Variants in EVC observed in about 807,000 individuals in gnomAD.
EVC encodes the protein EvC ciliary complex subunit 1, also known as evC complex member EVC.
In EVC, 116 loss-of-function variants were observed where a neutral mutation model predicts 118.9. The observed-to-expected ratio is 0.98, with a 90% CI of 0.84 to 1.14. The LOEUF (loss-of-function observed/expected upper bound fraction) is 1.14. Ranked by LOEUF, EVC falls within the 50% of genes most tolerant of loss-of-function variation. The pLI is 0.00. For synonymous variants in EVC, 619 were observed against 534.7 expected (o/e 1.16, Z -2.18); for missense variants, 1,401 against 1,246.4 (o/e 1.12, Z -1.87).
intron 15 of EVC, among the ~76,000 whole-genome samples, chr4:5,799,687 C>T (rs757387419): frequency 6.6e-6 from 1 of 152,174 alleles, no homozygotes; most frequent in African/African-American, 2.4e-5. Context: ...GCCCTGGCAT[C>T]GGGAAGTGCA....
chr4:5,818,619 A>G (rs1039931535), downstream of EVC, among the ~76,000 whole-genome samples: 2 of 152,112 alleles, frequency 1.3e-5, no homozygotes, highest in African/African-American at 4.8e-5. Context: ...TGGGAGCGGG[A>G]CCAGCAGCTT....
intron 11 of EVC, among the ~76,000 whole-genome samples, chr4:5,758,602 T>A (rs556510700): frequency 3.2e-4 from 49 of 152,166 alleles, no homozygotes; most frequent in Non-Finnish European, 5.6e-4. Context: ...TGGCTGGGCA[T>A]GGGGAAACCA....
chr4:5,821,718 A>T, the EVC span: 1 of 1,538,872 alleles, frequency 6.5e-7, no homozygotes, highest in South Asian at 1.2e-5. This position sits in a 1 kb window ranked among gnomAD's most constrained non-coding sequence, Gnocchi z 4.4. Context: ...GATGGACATG[A>T]TTCCCAGAAT....
chr4:5,785,621 C>G (rs1054335325), intron 12 of EVC, among the ~76,000 whole-genome samples: 19 of 152,314 alleles, frequency 1.2e-4, no homozygotes, highest in Non-Finnish European at 8.8e-5. Context: ...TCCGGTTGCC[C>G]TGTCGTAGGT....
At chr4:5,760,438 CTGCTG>C (rs1731833219) in intron 11 of EVC, among the ~76,000 whole-genome samples, 1 of 152,050 alleles carries the variant, frequency 6.6e-6, no homozygotes, top group Admixed American at 6.5e-5. Context: ...GGGGTGATAC[CTGCTG>C]GAGTCTCTCT....
At position 5,743,802 on chromosome 4, in the gene EVC, C is replaced by T. The variant is rs558637309; in HGVS notation, c.802-1402C>T. ...TTATTTCATTTAATAGTTATGACAG[C>T]CCTGTGAGTGGCCATTGTTATTTTT... On this transcript the variant is annotated intron_variant, in intron 6 of 20. Coordinates refer to ENST00000264956, the MANE Select transcript of EVC (RefSeq NM_153717.3). This position sits in a 1 kb window ranked among gnomAD's most constrained non-coding sequence, Gnocchi z 4.7. 6.6e-6 allele frequency among the ~76,000 whole-genome samples: 1 copy of T among 152,146 alleles called. No homozygotes were observed. The highest frequency in any genetic ancestry group is 2.4e-5 in the African/African-American group (1 of 41,420).
Position 5,755,704 on chromosome 4 carries a change from G to C in EVC, c.1465-560G>C, listed in dbSNP as rs1382356241. On this transcript the variant is annotated intron_variant, in intron 10 of 20. Transcript: ENST00000264956. The surrounding 1 kb of genome is among the most constrained non-coding windows in gnomAD (Gnocchi z 4.1). ...TCTCCTGCAACCCTTCCCTGAGAAGGGTCTGTTCCTCTGTCCTTCTGCCCC... is the reference window on the plus strand; with the variant it reads ...TCTCCTGCAACCCTTCCCTGAGAAGCGTCTGTTCCTCTGTCCTTCTGCCCC... Among the ~76,000 whole-genome samples, 1 of 152,126 alleles carries C rather than the reference G, an allele frequency of 6.6e-6. No homozygotes were observed. Among genetic ancestry groups the C allele is most frequent in the African/African-American group, 2.4e-5 (1 of 41,422 alleles).
At chr4:5,712,049 C>G (rs1171966769) in intron 1 of EVC, among the ~76,000 whole-genome samples, 1 of 152,226 alleles carries the variant, frequency 6.6e-6, no homozygotes, top group African/African-American at 2.4e-5. Context: ...TACAGCCAGT[C>G]ACTGGCCTAG....
intron 11 of EVC, among the ~76,000 whole-genome samples, chr4:5,772,131 C>T (rs1734084397): frequency 6.6e-6 from 1 of 152,088 alleles, no homozygotes; most frequent in South Asian, 2.1e-4. Flanking sequence ...CTCCTGACTT[C>T]GCGATCCGCC....
At chr4:5,824,378 G>A in the EVC span, 5 of 985,352 alleles carry the variant, frequency 5.1e-6, no homozygotes, top group African/African-American at 7.0e-5. Flanking sequence ...TGAGATGAAT[G>A]GGGAGGCCTC....
chr4:5,753,975 T>C, intron 10 of EVC, 42 bp downstream of exon 10: 1 of 1,611,566 alleles, frequency 6.2e-7, no homozygotes, highest in South Asian at 1.1e-5. Flanking sequence ...GGTGAGCCAG[T>C]TGTAGCTCTG....
At chr4:5,723,011 G>A (rs900940453) in intron 2 of EVC, among the ~76,000 whole-genome samples, 1 of 152,064 alleles carries the variant, frequency 6.6e-6, no homozygotes, top group Admixed American at 6.5e-5. Flanking sequence ...TTCATCCCCT[G>A]GCAGAGACCA....
At chr4:5,774,600 G>A (rs1209177390) in intron 11 of EVC, among the ~76,000 whole-genome samples, 1 of 152,076 alleles carries the variant, frequency 6.6e-6, no homozygotes, top group Non-Finnish European at 1.5e-5. Flanking sequence ...TGAGAAACCT[G>A]GGGAGGGCAG....
downstream of EVC, among the ~76,000 whole-genome samples, chr4:5,816,642 C>G (rs1464443397): frequency 7.4e-6 from 1 of 135,814 alleles, no homozygotes; most frequent in Non-Finnish European, 1.6e-5. Flanking sequence ...TCCTTCCCCT[C>G]TCTCCCTTCC....
chr4:5,809,735 T>C, intron 19 of EVC, 124 bp downstream of exon 19: 1 of 873,240 alleles, frequency 1.1e-6, no homozygotes, highest in Non-Finnish European at 1.9e-6. Flanking sequence ...TCTCTGGGCT[T>C]TTGTGACCTT....
At chr4:5,733,103 C>G (rs1034162517) in intron 4 of EVC, among the ~76,000 whole-genome samples, 1 of 152,150 alleles carries the variant, frequency 6.6e-6, no homozygotes, top group Non-Finnish European at 1.5e-5. Flanking sequence ...CATTGGTTTT[C>G]TCTTGGAAGT....
intron 11 of EVC, among the ~76,000 whole-genome samples, chr4:5,772,410 C>T (rs10000316): frequency 0.026 from 3,954 of 152,132 alleles, 179 homozygotes; most frequent in African/African-American, 0.091. Context: ...TGCATACCTG[C>T]TGTGTGGCCT....
intron 2 of EVC, among the ~76,000 whole-genome samples, 189 bp from the exon 3 acceptor site, chr4:5,729,118 A>C (rs62298652): frequency 2.0e-5 from 3 of 151,832 alleles, no homozygotes; most frequent in African/African-American, 7.3e-5. Context: ...CTATCCATCC[A>C]TCTGTTTGTC....
intron 5 of EVC, among the ~76,000 whole-genome samples, chr4:5,739,899 CAAA>C (rs11343689): frequency 1.2e-4 from 15 of 120,534 alleles, no homozygotes; most frequent in Admixed American, 2.5e-4. Flanking sequence ...AACCCCATCT[CAAA>C]AAAAAAAAAA....
Sources: gnomAD v4.1 joint callset for allele counts (sites outside exome capture counted in the v4.1 genomes callset) on GRCh38, gnomAD v4.1.1 for gene constraint, Gnocchi (gnomAD v3.1) non-coding constraint, MANE v1.5 for transcripts, NCBI Gene and HGNC (gene_info 2026-07-23, HGNC 2026-07-21) for gene names.